PLXDC2: variants seen among roughly 807,000 people sequenced by gnomAD.
PLXDC2 encodes the protein plexin domain containing 2, also known as plexin domain-containing protein 2.
In PLXDC2, 40 loss-of-function variants were observed where a neutral mutation model predicts 68.9. That is an observed-to-expected ratio of 0.58 (90% CI 0.45 to 0.76). The LOEUF is 0.76. Among genes scored for constraint, PLXDC2 ranks in the 30% least tolerant of loss-of-function variants. The pLI, the probability that PLXDC2 is intolerant of heterozygous loss-of-function variation, is 0.00. For missense variants in PLXDC2, 644 were observed against 661.9 expected (o/e 0.97, Z 0.30); for synonymous variants, 243 against 234.2 (o/e 1.04, Z -0.34).
chr10:20,216,286 T>C (rs903697026), intron 10 of PLXDC2, among the ~76,000 whole-genome samples: 1 of 152,100 alleles, frequency 6.6e-6, no homozygotes, highest in African/African-American at 2.4e-5. Flanking sequence ...AAAGGATAAC[T>C]GAGCTTATGA....
At chr10:20,241,206 T>A (rs1588537935) in intron 12 of PLXDC2, among the ~76,000 whole-genome samples, 1 of 152,224 alleles carries the variant, frequency 6.6e-6, no homozygotes, top group Non-Finnish European at 1.5e-5. Context: ...GGGAGAGAAG[T>A]ATTTATGTCT....
chr10:19,987,625 G>T (rs1269144376), intron 1 of PLXDC2, among the ~76,000 whole-genome samples: 1 of 151,284 alleles, frequency 6.6e-6, no homozygotes, highest in Non-Finnish European at 1.5e-5. Context: ...GCAGTGGCGC[G>T]ATCTCGGCTC....
intron 9 of PLXDC2, among the ~76,000 whole-genome samples, chr10:20,197,439 C>T (rs1261149564): frequency 2.6e-5 from 4 of 152,100 alleles, no homozygotes; most frequent in African/African-American, 7.2e-5. Context: ...CTCACTGCAA[C>T]CTCTGCCTCC....
intron 1 of PLXDC2, among the ~76,000 whole-genome samples, chr10:19,903,238 T>A (rs969941764): frequency 6.6e-6 from 1 of 152,114 alleles, no homozygotes; most frequent in African/African-American, 2.4e-5. Context: ...TGGAATAGTG[T>A]CAATAGCATT....
chr10:20,191,558 G>A (rs1261797888), intron 9 of PLXDC2, among the ~76,000 whole-genome samples: 1 of 150,370 alleles, frequency 6.7e-6, no homozygotes, highest in East Asian at 2.0e-4. Context: ...GGTTTCTTTT[G>A]TCACTGCCCA....
At chr10:19,939,173 A>T (rs978254373) in intron 1 of PLXDC2, among the ~76,000 whole-genome samples, 3 of 152,236 alleles carry the variant, frequency 2.0e-5, no homozygotes, top group Non-Finnish European at 4.4e-5. Flanking sequence ...AATAATACAA[A>T]GTAATCGATT....
chr10:19,830,571 A>G (rs1410306448), intron 1 of PLXDC2, among the ~76,000 whole-genome samples: 1 of 151,922 alleles, frequency 6.6e-6, no homozygotes, highest in Non-Finnish European at 1.5e-5. Context: ...CCCTCCCATT[A>G]TTTAGGAATG....
At chr10:20,051,855 T>C (rs958750104) in intron 3 of PLXDC2, among the ~76,000 whole-genome samples, 3 of 152,052 alleles carry the variant, frequency 2.0e-5, no homozygotes, top group African/African-American at 7.2e-5. Context: ...GATAATATTT[T>C]AGTTGTTACA....
At chr10:20,124,502 A>G (rs1428700003) in intron 4 of PLXDC2, among the ~76,000 whole-genome samples, 3 of 152,092 alleles carry the variant, frequency 2.0e-5, no homozygotes, top group African/African-American at 7.2e-5. Context: ...CTCTCAAGGG[A>G]GGTCCCCCAA....
rs545303711 is a variant in PLXDC2 at position 20,100,187 on chromosome 10, G to A, written c.541+31948G>A. Among the ~76,000 whole-genome samples the A allele has an allele frequency of 3.0e-4, 46 of 152,256 alleles. 2 individuals carry two copies. The South Asian group carries it at 9.1e-3, about 30-fold the overall frequency. Reference sequence around the variant, plus strand: ...ATCCACGGAAATAATCCTGATCATGGAAAACAGTATGTTGCACTGGGGAAA... The same window carrying A: ...ATCCACGGAAATAATCCTGATCATGAAAAACAGTATGTTGCACTGGGGAAA... On this transcript the variant is annotated intron_variant, in intron 4 of 13. Coordinates refer to ENST00000377252, the MANE Select transcript of PLXDC2 (RefSeq NM_032812.9).
chr10:20,125,477 G>A (rs80037860), intron 4 of PLXDC2, among the ~76,000 whole-genome samples: 3,138 of 152,200 alleles, frequency 0.021, 69 homozygotes, highest in African/African-American at 0.062. Flanking sequence ...TCACCTTGGC[G>A]GACCAGACTA....
intron 9 of PLXDC2, among the ~76,000 whole-genome samples, chr10:20,183,981 G>T (rs7895000): frequency 6.6e-6 from 1 of 151,616 alleles, no homozygotes; most frequent in Non-Finnish European, 1.5e-5. Context: ...CTTGCTCCTG[G>T]TAAAAACATA....
intron 3 of PLXDC2, among the ~76,000 whole-genome samples, chr10:20,057,278 A>G (rs1836015920): frequency 6.6e-6 from 1 of 152,198 alleles, no homozygotes; most frequent in Non-Finnish European, 1.5e-5. Flanking sequence ...TCTGAAAGCA[A>G]ATAATCTTAA....
intron 6 of PLXDC2, 34 bp downstream of exon 6, chr10:20,147,936 C>G (rs372615454): frequency 8.3e-5 from 120 of 1,453,164 alleles, no homozygotes; most frequent in Non-Finnish European, 1.1e-4. Context: ...TTTCCCTTCC[C>G]CTTGTTCTTG....
intron 12 of PLXDC2, among the ~76,000 whole-genome samples, chr10:20,241,886 C>T (rs80276686): frequency 0.048 from 7,283 of 152,166 alleles, 231 homozygotes; most frequent in Non-Finnish European, 0.073. Context: ...ACCTAAAACC[C>T]ATCCCAAAGA....
rs572195653 is a variant in PLXDC2 at position 19,893,834 on chromosome 10, C to A, written c.112+76643C>A. Among the ~76,000 whole-genome samples the A allele has an allele frequency of 2.0e-5, 3 of 152,266 alleles. No homozygotes were observed. In the South Asian group the frequency reaches 6.2e-4, roughly 32 times the overall value. Reference sequence around the variant, plus strand: ...TCCTCAACTAGTTACACAGCTCTTCCCAGCACTGTTTCCTTTCTGGAAACC... The same window carrying A: ...TCCTCAACTAGTTACACAGCTCTTCACAGCACTGTTTCCTTTCTGGAAACC... On this transcript the variant is annotated intron_variant, in intron 1 of 13. Coordinates refer to ENST00000377252, the MANE Select transcript of PLXDC2 (RefSeq NM_032812.9).
chr10:20,128,497 C>CT (rs907738133), intron 4 of PLXDC2, among the ~76,000 whole-genome samples: 3 of 151,940 alleles, frequency 2.0e-5, no homozygotes, highest in Admixed American at 6.6e-5. Flanking sequence ...CACATAGTTA[C>CT]TTTTTTTTGG....
chr10:19,962,116 A>G (rs1272427398), intron 1 of PLXDC2, among the ~76,000 whole-genome samples: 1 of 152,168 alleles, frequency 6.6e-6, no homozygotes, highest in Non-Finnish European at 1.5e-5. Context: ...ATAAAGCTAA[A>G]ATTTAGGAAA....
chr10:19,945,071 G>T (rs1040135285), intron 1 of PLXDC2, among the ~76,000 whole-genome samples: 3 of 152,182 alleles, frequency 2.0e-5, no homozygotes, highest in African/African-American at 7.2e-5. Context: ...CTCAGTGACC[G>T]GCCCAAGAGT....
Sources: allele counts gnomAD v4.1 joint callset (sites outside exome capture counted in the v4.1 genomes callset), GRCh38; gene constraint gnomAD v4.1.1; transcripts MANE v1.5; gene names NCBI Gene and HGNC (gene_info 2026-07-23, HGNC 2026-07-21).